The following ABCG1 variants were observed in gnomAD, a reference collection of about 807,000 sequenced individuals.
ABCG1 encodes ATP-binding cassette sub-family G member 1.
ABCG1 carries 29 observed loss-of-function variants against 69.2 expected under a neutral mutation model. The observed-to-expected ratio is 0.42, with a 90% CI of 0.31 to 0.57. The LOEUF is 0.57. Ranked by LOEUF, ABCG1 falls within the 20% of genes least tolerant of loss-of-function variation. The pLI is 0.15. For missense variants in ABCG1, 718 were observed against 898.1 expected (o/e 0.80, Z 2.56); for synonymous variants, 370 against 374.8 (o/e 0.99, Z 0.15).
intron 2 of ABCG1, among the ~76,000 whole-genome samples, chr21:42,238,018 C>A (rs1450296427): frequency 6.6e-6 from 1 of 152,240 alleles, no homozygotes; most frequent in Admixed American, 6.5e-5. Context: ...GAGGTCATCA[C>A]TACAGCCAGG....
chr21:42,253,237 C>A (rs2068251318), intron 2 of ABCG1, among the ~76,000 whole-genome samples: 1 of 152,112 alleles, frequency 6.6e-6, no homozygotes. Flanking sequence ...AGGGCAGAAA[C>A]ATAAAGACCA....
intron 2 of ABCG1, among the ~76,000 whole-genome samples, chr21:42,233,291 G>A (rs1031290253): frequency 1.3e-5 from 2 of 152,158 alleles, no homozygotes; most frequent in Non-Finnish European, 2.9e-5. Flanking sequence ...ATCCAGCTGA[G>A]ACCTATATTT....
intron 2 of ABCG1, among the ~76,000 whole-genome samples, chr21:42,251,583 C>T (rs2068221626): frequency 6.6e-6 from 1 of 151,810 alleles, no homozygotes; most frequent in Non-Finnish European, 1.5e-5. Flanking sequence ...TGGCAGCGGC[C>T]AACGCATGTT....
At chr21:42,203,369 G>A (rs2067521267) in intron 2 of ABCG1, among the ~76,000 whole-genome samples, 1 of 151,994 alleles carries the variant, frequency 6.6e-6, no homozygotes, top group Non-Finnish European at 1.5e-5. Context: ...GGAACTCTTT[G>A]GCTCCGTATC....
chr21:42,231,716 G>A (rs1202495833), intron 2 of ABCG1, among the ~76,000 whole-genome samples: 1 of 152,144 alleles, frequency 6.6e-6, no homozygotes, highest in Non-Finnish European at 1.5e-5. Context: ...GCAGAGTGTG[G>A]AGATCCTGTG....
At chr21:42,251,348 G>GA (rs1175111397) in intron 2 of ABCG1, among the ~76,000 whole-genome samples, 1 of 152,202 alleles carries the variant, frequency 6.6e-6, no homozygotes, top group Non-Finnish European at 1.5e-5. Flanking sequence ...GCACCAGGTG[G>GA]AAGGAGGTAC....
intron 6 of ABCG1, among the ~76,000 whole-genome samples, chr21:42,283,600 C>T (rs1046010865): frequency 3.9e-5 from 6 of 152,292 alleles, no homozygotes; most frequent in Admixed American, 1.3e-4. Flanking sequence ...GTGGTGACTG[C>T]GGGGCACTAG....
chr21:42,207,143 A>G (rs1000105698), intron 2 of ABCG1, among the ~76,000 whole-genome samples: 1 of 152,098 alleles, frequency 6.6e-6, no homozygotes, highest in African/African-American at 2.4e-5. Context: ...ATCTTTTGGT[A>G]AGTTTGAGAG....
At chr21:42,239,732 C>T (rs1311452440) in intron 2 of ABCG1, among the ~76,000 whole-genome samples, 1 of 152,208 alleles carries the variant, frequency 6.6e-6, no homozygotes, top group East Asian at 1.9e-4. Flanking sequence ...TCTTTGGTGA[C>T]CCATGCTCCT....
At chr21:42,236,418 G>A (rs1397073990) in intron 2 of ABCG1, among the ~76,000 whole-genome samples, 1 of 152,222 alleles carries the variant, frequency 6.6e-6, no homozygotes, top group Non-Finnish European at 1.5e-5. Context: ...GGCCACCTCA[G>A]TGGAGTCGGA....
chr21:42,258,987 C>T (rs2068357983), intron 2 of ABCG1, among the ~76,000 whole-genome samples: 1 of 152,214 alleles, frequency 6.6e-6, no homozygotes, highest in African/African-American at 2.4e-5. Context: ...ATTCGGAGCT[C>T]CTTGAGGGCA....
chr21:42,275,215 CT>C (rs1468882511), intron 4 of ABCG1, among the ~76,000 whole-genome samples: 4 of 152,184 alleles, frequency 2.6e-5, no homozygotes, highest in Admixed American at 6.5e-5. Flanking sequence ...GCTCCCTAAA[CT>C]TCTTTGTGGG....
chr21:42,221,817 T>C (rs2067732267), intron 1 of ABCG1, among the ~76,000 whole-genome samples: 1 of 152,222 alleles, frequency 6.6e-6, no homozygotes, highest in South Asian at 2.1e-4. Flanking sequence ...AGAAAAAGTT[T>C]CTGTCTCTGT....
In ABCG1 at chr21:42,250,886, G is replaced by A. The variant is rs8130228; in HGVS notation, c.287-20184G>A. On this transcript the variant is annotated intron_variant, in intron 2 of 14. Transcript: ENST00000398449. ...TATAGGAAGGTGGCCCCCAGACCCC[G>A]CAGGGATCGGCTTGGGAGAGACCCA... 3.8e-3 allele frequency among the ~76,000 whole-genome samples: 586 copies of A among 152,328 alleles called. 8 individuals are homozygous for A. The highest frequency in any genetic ancestry group is 0.014 in the African/African-American group (565 of 41,558).
chr21:42,202,545 C>T (rs1346299684), intron 2 of ABCG1, among the ~76,000 whole-genome samples: 1 of 151,494 alleles, frequency 6.6e-6, no homozygotes, highest in Non-Finnish European at 1.5e-5. Flanking sequence ...ATCCCTCTCT[C>T]GGCAGCTCCC....
chr21:42,220,886 C>A, intron 1 of ABCG1, among the ~76,000 whole-genome samples: 1 of 152,304 alleles, frequency 6.6e-6, no homozygotes, highest in South Asian at 2.1e-4. Context: ...CTAGTTAACT[C>A]TTGAATTCCT....
intron 2 of ABCG1, among the ~76,000 whole-genome samples, chr21:42,241,544 G>A (rs989388533): frequency 6.6e-6 from 1 of 151,496 alleles, no homozygotes; most frequent in Non-Finnish European, 1.5e-5. Flanking sequence ...GGCAGAGGTT[G>A]CAGTGAGCTG....
At chr21:42,223,060 A>C (rs1352214685) in intron 1 of ABCG1, among the ~76,000 whole-genome samples, 2 of 152,154 alleles carry the variant, frequency 1.3e-5, no homozygotes, top group Non-Finnish European at 2.9e-5. Flanking sequence ...ACCCGTAACC[A>C]AGTTGGCAAG....
In ABCG1 at chr21:42,296,258, G is replaced by A. The variant is rs1381720281; in HGVS notation, c.1867G>A (p.Glu623Lys). The A allele has an allele frequency of 6.2e-7, 1 of 1,614,046 alleles. No individual in the cohort carries two copies. The highest frequency in any genetic ancestry group is 2.2e-5 in the East Asian group (1 of 44,894). Reference protein sequence around the residue: ...IDETCHFQKSEAILRELDVEN... With the variant: ...IDETCHFQKSKAILRELDVEN... ...CGAGACGTGCCACTTCCAGAAGTCG[G>A]AGGCCATCCTGCGGGAGCTGGACGT... Residue 623 changes from glutamate (E) to lysine (K), a missense_variant, in exon 15 of 15, where the codon GAG becomes AAG. Glu to Lys is a moderately conservative substitution (Grantham distance 56). This residue lies in a region of ABCG1 where 204 missense variants were observed against 323.8 expected (regional missense o/e 0.63). Coordinates refer to ENST00000398449, the MANE Select transcript of ABCG1 (RefSeq NM_016818.3). The surrounding 1 kb of genome is among the most constrained non-coding windows in gnomAD (Gnocchi z 5.4).
Sources: allele counts gnomAD v4.1 joint callset (sites outside exome capture counted in the v4.1 genomes callset), GRCh38; gene constraint gnomAD v4.1.1; regional missense constraint gnomAD v4.1.1; non-coding constraint Gnocchi (gnomAD v3.1); transcripts MANE v1.5; gene names NCBI Gene and HGNC (gene_info 2026-07-23, HGNC 2026-07-21).